NLK: variants seen among roughly 807,000 people sequenced by gnomAD.
NLK encodes serine/threonine-protein kinase NLK.
NLK carries 11 observed loss-of-function variants against 59.0 expected under a neutral mutation model. The ratio of observed to expected loss-of-function variants is 0.19; its 90% CI spans 0.12 to 0.31. The LOEUF is 0.31. NLK is among the 10% of genes least tolerant of loss of function. The pLI, the probability that NLK is intolerant of heterozygous loss-of-function variation, is 1.00. For synonymous variants in NLK, 235 were observed against 235.9 expected, an observed-to-expected ratio of 1.00 and a Z score of 0.03; for missense variants, 410 against 661.1, an observed-to-expected ratio of 0.62 and a Z score of 4.16.
chr17:28,161,291 G>A (rs1301814613), intron 4 of NLK, 25 bp downstream of exon 4: 1 of 1,258,368 alleles, frequency 7.9e-7, no homozygotes, highest in Non-Finnish European at 1.2e-6. Context: ...TGAAGAAAAA[G>A]GTGCTGTCAC....
intron 3 of NLK, among the ~76,000 whole-genome samples, chr17:28,135,397 T>C (rs1179317045): frequency 6.6e-6 from 1 of 152,148 alleles, no homozygotes; most frequent in African/African-American, 2.4e-5. Context: ...CCCTCCTTTT[T>C]CCCTTCCCCT....
At chr17:28,083,065 C>G (rs1446694996) in intron 1 of NLK, among the ~76,000 whole-genome samples, 2 of 152,196 alleles carry the variant, frequency 1.3e-5, no homozygotes, top group African/African-American at 4.8e-5. Flanking sequence ...CCACACTGTT[C>G]TTATGATACC....
At chr17:28,193,871 C>T (rs1482138350) in intron 10 of NLK, among the ~76,000 whole-genome samples, 1 of 152,158 alleles carries the variant, frequency 6.6e-6, no homozygotes, top group African/African-American at 2.4e-5. Context: ...CTATTTTCCC[C>T]TAAGAGTCAG....
At chr17:28,096,122 T>C (rs1049073949) in intron 1 of NLK, among the ~76,000 whole-genome samples, 1 of 152,184 alleles carries the variant, frequency 6.6e-6, no homozygotes, top group Admixed American at 6.5e-5. Flanking sequence ...CTTTTATAGG[T>C]CAAGGATATA....
intron 1 of NLK, among the ~76,000 whole-genome samples, chr17:28,045,510 T>C (rs1331231097): frequency 1.3e-5 from 2 of 152,222 alleles, no homozygotes; most frequent in East Asian, 3.8e-4. Context: ...GATTCGGGTC[T>C]TTGTTTTTTT....
chr17:28,192,626 C>T (rs1011860368), intron 10 of NLK, among the ~76,000 whole-genome samples: 1 of 152,112 alleles, frequency 6.6e-6, no homozygotes, highest in Non-Finnish European at 1.5e-5. Context: ...CGAGATCGCA[C>T]CATTGCACTC....
intron 1 of NLK, among the ~76,000 whole-genome samples, chr17:28,071,258 A>G (rs1368179390): frequency 6.6e-6 from 1 of 152,196 alleles, no homozygotes; most frequent in Non-Finnish European, 1.5e-5. Flanking sequence ...TTAATTCAAG[A>G]TTATTTTGGC....
intron 1 of NLK, among the ~76,000 whole-genome samples, chr17:28,097,997 C>T (rs988184524): frequency 6.6e-6 from 1 of 152,122 alleles, no homozygotes; most frequent in African/African-American, 2.4e-5. Context: ...TTTGCCACTT[C>T]TGTAATTTTT....
At chr17:28,116,441 CTT>C (rs1905776251) in intron 1 of NLK, 1 of 157,208 alleles carries the variant, frequency 6.4e-6, no homozygotes, top group Non-Finnish European at 1.4e-5. Flanking sequence ...TGAAGGGCCT[CTT>C]TTATTTCAAA....
At chr17:28,185,581 C>G (rs1264389685) in intron 8 of NLK, among the ~76,000 whole-genome samples, 3 of 152,134 alleles carry the variant, frequency 2.0e-5, no homozygotes, top group Non-Finnish European at 4.4e-5. Context: ...CAAGGTCTTG[C>G]TCTGTCACCC....
chr17:28,062,994 G>A (rs1053216805), intron 1 of NLK, among the ~76,000 whole-genome samples: 10 of 152,078 alleles, frequency 6.6e-5, no homozygotes, highest in African/African-American at 1.4e-4. Flanking sequence ...GCAGTGGCAC[G>A]ATCGTGGCTC....
intron 7 of NLK, among the ~76,000 whole-genome samples, chr17:28,175,427 G>A (rs1209945570): frequency 6.6e-6 from 1 of 151,730 alleles, no homozygotes; most frequent in African/African-American, 2.4e-5. Context: ...CTCCAGCCTG[G>A]GCGACACAGC....
chr17:28,180,034 G>A (rs1215388385), intron 7 of NLK, among the ~76,000 whole-genome samples: 1 of 152,096 alleles, frequency 6.6e-6, no homozygotes, highest in African/African-American at 2.4e-5. Context: ...TGCAGTATCT[G>A]TAGCACTTCG....
chr17:28,072,698 C>T (rs1910045030), intron 1 of NLK, among the ~76,000 whole-genome samples: 1 of 151,936 alleles, frequency 6.6e-6, no homozygotes, highest in South Asian at 2.1e-4. Context: ...AAGTTTCATA[C>T]CTTATTTTGT....
At chr17:28,150,268 C>T (rs543402949) in intron 3 of NLK, among the ~76,000 whole-genome samples, 1 of 152,080 alleles carries the variant, frequency 6.6e-6, no homozygotes, top group Non-Finnish European at 1.5e-5. Context: ...CTCCTCATAG[C>T]CCATAATTAA....
intron 3 of NLK, among the ~76,000 whole-genome samples, chr17:28,157,272 A>G (rs1907799986): frequency 6.6e-6 from 1 of 152,094 alleles, no homozygotes; most frequent in African/African-American, 2.4e-5. Context: ...GCTCACTGCA[A>G]CCTCTGCCTC....
intron 1 of NLK, among the ~76,000 whole-genome samples, chr17:28,065,431 T>C (rs1471124939): frequency 6.6e-6 from 1 of 152,152 alleles, no homozygotes; most frequent in East Asian, 1.9e-4. Flanking sequence ...GGTTAGAATG[T>C]AGGATGAATG....
chr17:28,106,356 A>G (rs796516946), intron 1 of NLK, among the ~76,000 whole-genome samples: 12 of 152,338 alleles, frequency 7.9e-5, no homozygotes, highest in African/African-American at 2.9e-4. Flanking sequence ...AAAATAGCCT[A>G]GAACTTCTTT....
Position 28,127,475 on chromosome 17 carries a change from G to A in NLK, c.588+4743G>A, listed in dbSNP as rs181402298. Among the ~76,000 whole-genome samples, 6 of 152,230 alleles carry A rather than the reference G, an allele frequency of 3.9e-5. No homozygotes were observed. The East Asian group carries it at 9.7e-4, about 24-fold the overall frequency. On this transcript the variant is annotated intron_variant, in intron 2 of 10. Coordinates refer to ENST00000407008, the MANE Select transcript of NLK (RefSeq NM_016231.5). ...GCTAACTAATACTAACTGTTGTGCC[G>A]CTAAGGAGTTGGAAAAAGCAAAGGA...
Sources: gnomAD v4.1 joint callset for allele counts (sites outside exome capture counted in the v4.1 genomes callset) on GRCh38, gnomAD v4.1.1 for gene constraint, MANE v1.5 for transcripts, NCBI Gene and HGNC (gene_info 2026-07-23, HGNC 2026-07-21) for gene names.